Variants in PPM1H observed in about 807,000 individuals in gnomAD.
The protein encoded by PPM1H is protein phosphatase 1H.
A neutral mutation model predicts 54.9 loss-of-function variants in PPM1H; 27 were observed. The observed-to-expected ratio is 0.49, with a 90% CI of 0.36 to 0.68. The LOEUF is 0.68. Among genes scored for constraint, PPM1H ranks in the 30% least tolerant of loss-of-function variants. The probability of loss-of-function intolerance (pLI) is 0.00; values close to 1 mark genes in which losing one functional copy is unlikely to be tolerated. For synonymous variants in PPM1H, 305 were observed against 270.8 expected, an observed-to-expected ratio of 1.13 and a Z score of -1.24; for missense variants, 596 against 667.8, an observed-to-expected ratio of 0.89 and a Z score of 1.19.
chr12:62,653,724 G>A (rs569424014), intron 9 of PPM1H, among the ~76,000 whole-genome samples: 1 of 152,190 alleles, frequency 6.6e-6, no homozygotes, highest in African/African-American at 2.4e-5. Context: ...GGGCAGTATG[G>A]ATTTCTGTAG....
chr12:62,931,088 C>T (rs1416449610), intron 1 of PPM1H, among the ~76,000 whole-genome samples: 2 of 152,156 alleles, frequency 1.3e-5, no homozygotes, highest in Non-Finnish European at 2.9e-5. Context: ...CAGTAAGTGG[C>T]AAAAGATTAG....
chr12:62,839,884 A>AAGAAACAAAAAAC (rs1555200472), intron 1 of PPM1H, among the ~76,000 whole-genome samples: 1 of 150,170 alleles, frequency 6.7e-6, no homozygotes, highest in African/African-American at 2.5e-5. Context: ...CAAAAAAAAA[A>AAGAAACAAAAAAC]AAAAAACACC....
chr12:62,825,056 A>C (rs1407344096), intron 2 of PPM1H, among the ~76,000 whole-genome samples: 3 of 151,592 alleles, frequency 2.0e-5, no homozygotes, highest in Non-Finnish European at 4.4e-5. Flanking sequence ...CAAGGAAAAA[A>C]AAAATCAAAA....
chr12:62,849,161 C>T (rs1869086185), intron 1 of PPM1H, among the ~76,000 whole-genome samples: 1 of 152,166 alleles, frequency 6.6e-6, no homozygotes, highest in Admixed American at 6.5e-5. Context: ...GGGTACAGGG[C>T]ATCTGGATTG....
intron 1 of PPM1H, among the ~76,000 whole-genome samples, chr12:62,840,999 C>T (rs531573637): frequency 4.0e-5 from 6 of 150,690 alleles, no homozygotes; most frequent in South Asian, 4.2e-4. Flanking sequence ...GCGAATGAAC[C>T]GAGAAGTCCC....
intron 9 of PPM1H, 103 bp from the exon 10 acceptor site, chr12:62,648,739 A>G: frequency 2.3e-6 from 3 of 1,292,070 alleles, no homozygotes; most frequent in Non-Finnish European, 3.2e-6. Context: ...TTGTATAAAT[A>G]AGTTTCAAAT....
intron 1 of PPM1H, among the ~76,000 whole-genome samples, chr12:62,885,650 G>A (rs780856725): frequency 2.0e-5 from 3 of 152,148 alleles, no homozygotes; most frequent in South Asian, 2.1e-4. Flanking sequence ...GCCTACCATA[G>A]GTACTCATGT....
intron 1 of PPM1H, among the ~76,000 whole-genome samples, chr12:62,857,672 C>T (rs1869439801): frequency 6.6e-6 from 1 of 152,092 alleles, no homozygotes; most frequent in Admixed American, 6.6e-5. Context: ...TTTATTTAAG[C>T]CCTTCATGCT....
chr12:62,674,350 G>A (rs699560), intron 8 of PPM1H, among the ~76,000 whole-genome samples: 89,544 of 152,020 alleles, frequency 0.59, 28,913 homozygotes, highest in African/African-American at 0.88. Context: ...AAGGCTGCCA[G>A]TAGTTGGTGG....
chr12:62,864,554 G>A (rs918513839), intron 1 of PPM1H, among the ~76,000 whole-genome samples: 62 of 152,144 alleles, frequency 4.1e-4, no homozygotes, highest in African/African-American at 1.4e-3. Context: ...TTACTTTTAT[G>A]TTGCAGGAAC....
intron 1 of PPM1H, among the ~76,000 whole-genome samples, chr12:62,862,683 G>A (rs1382207781): frequency 2.0e-5 from 3 of 152,198 alleles, no homozygotes; most frequent in Non-Finnish European, 4.4e-5. Flanking sequence ...AAGTAGCAAA[G>A]AGAGGCAGCA....
intron 9 of PPM1H, 110 bp downstream of exon 9, chr12:62,667,068 C>T (rs572923773): frequency 8.0e-7 from 1 of 1,254,446 alleles, no homozygotes; most frequent in Admixed American, 2.4e-5. Context: ...ACTGTACCGT[C>T]CATATCAGCC....
In PPM1H at chr12:62,914,153, G is replaced by A. The variant is rs139449059; in HGVS notation, c.245+20339C>T. On this transcript the variant is annotated intron_variant, in intron 1 of 9. Coordinates refer to ENST00000228705, the MANE Select transcript of PPM1H (RefSeq NM_020700.2). ...AGTCAAATCTCTCAAGAATGGCTTG[G>A]TGCATCTTCATGGCAATGAGTGAGT... is the stretch of plus-strand genomic sequence containing the variant. 8.5e-5 allele frequency among the ~76,000 whole-genome samples: 13 copies of A among 152,260 alleles called. No individual in the cohort carries two copies. The East Asian group carries it at 2.1e-3, about 25-fold the overall frequency.
chr12:62,723,301 T>TAA (rs201023472), intron 5 of PPM1H, among the ~76,000 whole-genome samples: 11 of 145,192 alleles, frequency 7.6e-5, no homozygotes, highest in South Asian at 4.3e-4. Context: ...ATCAGAAAGT[T>TAA]AAAAAAAAAA....
chr12:62,900,146 A>G (rs1169034725), intron 1 of PPM1H, among the ~76,000 whole-genome samples: 2 of 152,250 alleles, frequency 1.3e-5, no homozygotes, highest in Non-Finnish European at 2.9e-5. Flanking sequence ...ACCGAGCTGT[A>G]GTCTCAGTTC....
chr12:62,920,771 A>T (rs1480397280), intron 1 of PPM1H, among the ~76,000 whole-genome samples: 1 of 151,756 alleles, frequency 6.6e-6, no homozygotes, highest in Non-Finnish European at 1.5e-5. Context: ...GAACATTTAC[A>T]CTCCATCTTT....
chr12:62,860,297 T>C (rs1409586591), intron 1 of PPM1H, among the ~76,000 whole-genome samples: 1 of 151,880 alleles, frequency 6.6e-6, no homozygotes, highest in East Asian at 1.9e-4. Context: ...CCCTACCGGG[T>C]CCCTCTCATG....
At chr12:62,877,770 C>T (rs968379684) in intron 1 of PPM1H, among the ~76,000 whole-genome samples, 1 of 152,164 alleles carries the variant, frequency 6.6e-6, no homozygotes, top group Admixed American at 6.5e-5. Flanking sequence ...CAGGAGAACA[C>T]ACAGGAATGA....
chr12:62,709,804 C>T (rs530943962), intron 6 of PPM1H, among the ~76,000 whole-genome samples: 2 of 152,350 alleles, frequency 1.3e-5, no homozygotes, highest in East Asian at 3.9e-4. Context: ...GGCGTGGTGG[C>T]TCACGACTGT....
Sources: allele counts gnomAD v4.1 joint callset (sites outside exome capture counted in the v4.1 genomes callset), GRCh38; gene constraint gnomAD v4.1.1; transcripts MANE v1.5; gene names NCBI Gene and HGNC (gene_info 2026-07-23, HGNC 2026-07-21).